The following FBXL7 variants were observed in gnomAD, a reference collection of about 807,000 sequenced individuals.
FBXL7 encodes F-box/LRR-repeat protein 7.
A neutral mutation model predicts 38.3 loss-of-function variants in FBXL7; 12 were observed. The observed-to-expected ratio is 0.31, with a 90% CI of 0.20 to 0.51. FBXL7 has a LOEUF of 0.51. Ranked by LOEUF, FBXL7 falls within the 20% of genes least tolerant of loss-of-function variation. The probability of loss-of-function intolerance (pLI) is 0.98; values close to 1 mark genes in which losing one functional copy is unlikely to be tolerated. For missense variants in FBXL7, 567 were observed against 676.4 expected, an observed-to-expected ratio of 0.84 and a Z score of 1.79; for synonymous variants, 297 against 300.9, an observed-to-expected ratio of 0.99 and a Z score of 0.13.
chr5:15,558,954 G>A lies in FBXL7; in HGVS notation c.38-57029G>A, dbSNP rs544868044. Reference sequence around the variant, plus strand: ...GTGATCTCCACAAGGTACTTAACTCGTCGTGGGTCATGACAGGAATCAAAT... The same window carrying A: ...GTGATCTCCACAAGGTACTTAACTCATCGTGGGTCATGACAGGAATCAAAT... On this transcript the variant is annotated intron_variant, in intron 1 of 3. Transcript: ENST00000504595. Among the ~76,000 whole-genome samples, 303 of 152,292 alleles carry A rather than the reference G, an allele frequency of 2.0e-3. 1 individual carries two copies. The highest frequency in any genetic ancestry group is 3.6e-3 in the Non-Finnish European group (246 of 68,020).
At chr5:15,749,397 C>T (rs954149658) in intron 2 of FBXL7, among the ~76,000 whole-genome samples, 6 of 152,148 alleles carry the variant, frequency 3.9e-5, no homozygotes, top group African/African-American at 1.2e-4. Context: ...GAAGCCAAGG[C>T]GGGCGAATCA....
chr5:15,683,784 T>G (rs1268904007), intron 2 of FBXL7, among the ~76,000 whole-genome samples: 1 of 152,310 alleles, frequency 6.6e-6, no homozygotes, highest in East Asian at 1.9e-4. Context: ...ATAATATTAC[T>G]GAAATCCTTC....
intron 2 of FBXL7, among the ~76,000 whole-genome samples, chr5:15,743,844 C>A (rs1262155629): frequency 6.6e-6 from 1 of 152,240 alleles, no homozygotes; most frequent in Admixed American, 6.5e-5. Context: ...TTCTTGACTT[C>A]TGTGGACCCA....
At chr5:15,716,891 G>GC (rs1744056307) in intron 2 of FBXL7, among the ~76,000 whole-genome samples, 1 of 152,138 alleles carries the variant, frequency 6.6e-6, no homozygotes, top group African/African-American at 2.4e-5. Context: ...CTAAGGTAAA[G>GC]CAACTGTTCA....
At chr5:15,635,775 A>C (rs1457047772) in intron 2 of FBXL7, among the ~76,000 whole-genome samples, 1 of 152,198 alleles carries the variant, frequency 6.6e-6, no homozygotes, top group Non-Finnish European at 1.5e-5. Context: ...GTACTTTGAG[A>C]GAGGACAAAC....
At chr5:15,783,288 C>G (rs1737046318) in intron 2 of FBXL7, among the ~76,000 whole-genome samples, 1 of 152,116 alleles carries the variant, frequency 6.6e-6, no homozygotes, top group Non-Finnish European at 1.5e-5. Flanking sequence ...GGCAAGTGCA[C>G]TGGGCAGCTA....
chr5:15,820,659 A>G (rs998958882), intron 2 of FBXL7, among the ~76,000 whole-genome samples: 6 of 152,084 alleles, frequency 3.9e-5, no homozygotes, highest in African/African-American at 7.2e-5. Flanking sequence ...GGACTTGACC[A>G]CACCCCAAGA....
At chr5:15,924,528 G>A (rs1341484561) in intron 2 of FBXL7, among the ~76,000 whole-genome samples, 1 of 152,052 alleles carries the variant, frequency 6.6e-6, no homozygotes, top group East Asian at 1.9e-4. Context: ...TCATGCATCT[G>A]TGGTTCATCT....
rs1108417 is a variant in FBXL7 at position 15,786,691 on chromosome 5, T to C, written c.128-141199T>C. On this transcript the variant is annotated intron_variant, in intron 2 of 3. Transcript: ENST00000504595. ...ATACTTTTAAACCTGTGCTCAAAGG[T>C]ATTATTTGATTAAATTTAATAAAAA... Among the ~76,000 whole-genome samples the C allele has an allele frequency of 6.8e-3, 1,034 of 152,356 alleles. 16 individuals are homozygous for C. Among genetic ancestry groups the C allele is most frequent in the African/African-American group, 0.024 (987 of 41,586 alleles).
At chr5:15,903,568 G>T (rs1238409523) in intron 2 of FBXL7, among the ~76,000 whole-genome samples, 1 of 151,726 alleles carries the variant, frequency 6.6e-6, no homozygotes, top group Non-Finnish European at 1.5e-5. Context: ...GTTTTTTTTG[G>T]AATATCCTTT....
At chr5:15,805,274 A>G (rs570830066) in intron 2 of FBXL7, among the ~76,000 whole-genome samples, 2 of 152,204 alleles carry the variant, frequency 1.3e-5, no homozygotes, top group Non-Finnish European at 2.9e-5. Context: ...ACAGCTTTAT[A>G]GAGACAGAAT....
chr5:15,871,674 G>A (rs373025806), intron 2 of FBXL7, among the ~76,000 whole-genome samples: 4 of 152,170 alleles, frequency 2.6e-5, no homozygotes, highest in East Asian at 1.9e-4. Flanking sequence ...ATCAATAGCT[G>A]AATTGATCAA....
intron 2 of FBXL7, among the ~76,000 whole-genome samples, chr5:15,767,718 T>C (rs550334131): frequency 1.4e-3 from 210 of 152,332 alleles, no homozygotes; most frequent in Non-Finnish European, 2.4e-3. Context: ...TGACAATCTT[T>C]TATTAGTAAT....
intron 1 of FBXL7, among the ~76,000 whole-genome samples, chr5:15,560,993 T>TA (rs778100477): frequency 6.6e-6 from 1 of 152,220 alleles, no homozygotes; most frequent in Non-Finnish European, 1.5e-5. Flanking sequence ...TAGGGTCAAG[T>TA]AAATTAACAT....
chr5:15,566,203 G>T (rs575024965), intron 1 of FBXL7, among the ~76,000 whole-genome samples: 57 of 152,220 alleles, frequency 3.7e-4, no homozygotes, highest in African/African-American at 1.4e-3. Flanking sequence ...AGAGAGAAGA[G>T]GGTGGGGTTC....
At chr5:15,566,886 T>A (rs1168501841) in intron 1 of FBXL7, among the ~76,000 whole-genome samples, 2 of 152,140 alleles carry the variant, frequency 1.3e-5, no homozygotes, top group African/African-American at 4.8e-5. Flanking sequence ...CATTTGTACC[T>A]GTAGAAAGAT....
intron 2 of FBXL7, among the ~76,000 whole-genome samples, chr5:15,841,644 T>C (rs1738748935): frequency 6.6e-6 from 1 of 152,172 alleles, no homozygotes; most frequent in African/African-American, 2.4e-5. Flanking sequence ...AAAATACATT[T>C]TCCCTATGAG....
chr5:15,666,018 G>C (rs1742263054), intron 2 of FBXL7, among the ~76,000 whole-genome samples: 1 of 152,050 alleles, frequency 6.6e-6, no homozygotes, highest in Non-Finnish European at 1.5e-5. Flanking sequence ...ATCCTAATCT[G>C]TCACTCAACA....
intron 2 of FBXL7, among the ~76,000 whole-genome samples, chr5:15,806,729 G>A (rs1737721373): frequency 6.6e-6 from 1 of 152,176 alleles, no homozygotes; most frequent in South Asian, 2.1e-4. Context: ...ATCAGGGACT[G>A]ATGAATGCGC....
Sources: allele counts gnomAD v4.1 joint callset (sites outside exome capture counted in the v4.1 genomes callset), GRCh38; gene constraint gnomAD v4.1.1; transcripts MANE v1.5; gene names NCBI Gene and HGNC (gene_info 2026-07-23, HGNC 2026-07-21).